Variants in HAS3 observed in about 807,000 individuals in gnomAD.
HAS3 encodes the protein hyaluronan synthase 3, also known as HA synthase 3.
A neutral mutation model predicts 50.3 loss-of-function variants in HAS3; 27 were observed. The observed-to-expected ratio is 0.54, with a 90% confidence interval of 0.40 to 0.74. The LOEUF is 0.74. Among genes scored for constraint, HAS3 ranks in the 30% least tolerant of loss-of-function variants. The pLI is 0.00. For missense variants in HAS3, 517 were observed against 742.8 expected (o/e 0.70, Z 3.53); for synonymous variants, 339 against 310.9 (o/e 1.09, Z -0.95).
At chr16:69,101,998 C>A (rs187271990), upstream of HAS3, among the ~76,000 whole-genome samples, 1 of 152,286 alleles carries the variant, frequency 6.6e-6, no homozygotes, top group East Asian at 1.9e-4. Flanking sequence ...GTTGGCCAGG[C>A]TGGTCTTAAA....
At chr16:69,118,186 T>C (rs947028376), downstream of HAS3, 9 of 594,238 alleles carry the variant, frequency 1.5e-5, no homozygotes, top group Non-Finnish European at 3.0e-6. Flanking sequence ...GGTTCTTTGA[T>C]TGATTGGGAG....
upstream of HAS3, among the ~76,000 whole-genome samples, chr16:69,103,563 T>C (rs771225650): frequency 6.6e-6 from 1 of 151,866 alleles, no homozygotes; most frequent in Non-Finnish European, 1.5e-5. Flanking sequence ...ACCTGGATAA[T>C]TTTTTGTATT....
In HAS3 at chr16:69,113,437, G is replaced by A. The variant is rs2232230; in HGVS notation, c.637-4G>A. 1.7e-5 allele frequency: 28 copies of A among 1,608,026 alleles called. No individual in the cohort carries two copies. Among genetic ancestry groups the A allele is most frequent in the Non-Finnish European group, 2.4e-5 (28 of 1,174,688 alleles). ...AATGGGCTGACGACGCACTCCCTCT[G>A]CAGGTGTGCGACTCTGACACTGTGC... On this transcript the variant is annotated splice_region_variant and splice_polypyrimidine_tract_variant and intron_variant, in intron 2 of 3. Transcript: ENST00000569188.
chr16:69,113,439 A>AGTG lies in HAS3; in HGVS notation c.637-1_637insTGG. The AGTG allele has an allele frequency of 6.2e-7, 1 of 1,602,438 alleles. No homozygotes were observed. The highest frequency in any genetic ancestry group is 8.6e-7 in the Non-Finnish European group (1 of 1,169,498). ...TGGGCTGACGACGCACTCCCTCTGC[A>AGTG]GGTGTGCGACTCTGACACTGTGCTG... is the stretch of plus-strand genomic sequence containing the variant. On this transcript the variant is annotated splice_acceptor_variant, in intron 2 of 3. Transcript: ENST00000569188. LOFTEE classifies it high-confidence loss of function.
chr16:69,107,439 T>C lies in HAS3; in HGVS notation c.-1+1652T>C, dbSNP rs976113878. 11 of 985,550 alleles carry C rather than the reference T, an allele frequency of 1.1e-5. No individual in the cohort carries two copies. The African/African-American group carries it at 1.7e-4, about 16-fold the overall frequency. 61.1% of individuals were successfully genotyped at this position (985,550 alleles called of 1,614,324 possible). On this transcript the variant is annotated intron_variant, in intron 1 of 3. Coordinates refer to ENST00000569188, the MANE Select transcript of HAS3 (RefSeq NM_001199280.2). This position sits in a 1 kb window ranked among gnomAD's most constrained non-coding sequence, Gnocchi z 5.5. ...TGGTCCGACTGGGATCCCTTGGGTT[T>C]TCCGTTCCTTCCCGGTTGGGTCGTG...
chr16:69,116,964 G>C lies in HAS3; in HGVS notation c.*1698G>C. 1 of 985,426 alleles carries C rather than the reference G, an allele frequency of 1.0e-6. No individual in the cohort carries two copies. Among genetic ancestry groups the C allele is most frequent in the African/African-American group, 1.7e-5 (1 of 57,348 alleles). 61.0% of individuals were successfully genotyped at this position (985,426 alleles called of 1,614,324 possible). On this transcript the variant is annotated 3_prime_UTR_variant, in exon 4 of 4. Transcript: ENST00000569188. ...CAAGGTGTGCTCTGAGCCACAGATGGGCAAACCCTGGTGCTTTCCTTCATC... is the reference window on the plus strand; with the variant it reads ...CAAGGTGTGCTCTGAGCCACAGATGCGCAAACCCTGGTGCTTTCCTTCATC...
chr16:69,102,106 T>G (rs183447136), upstream of HAS3, among the ~76,000 whole-genome samples: 1 of 152,136 alleles, frequency 6.6e-6, no homozygotes, highest in Non-Finnish European at 1.5e-5. Flanking sequence ...CTCAAGCACA[T>G]TTGTCTTCAA....
At chr16:69,092,413 G>A in the HAS3 span, among the ~76,000 whole-genome samples, 1 of 152,064 alleles carries the variant, frequency 6.6e-6, no homozygotes, top group Non-Finnish European at 1.5e-5. Flanking sequence ...GACCAGCCTG[G>A]CCAACATAGT....
chr16:69,104,726 G>C (rs996989558), upstream of HAS3, among the ~76,000 whole-genome samples: 1 of 152,148 alleles, frequency 6.6e-6, no homozygotes, highest in Admixed American at 6.6e-5. Context: ...CTACAGGTGT[G>C]AGCCACTGTG....
chr16:69,104,646 G>T (rs1156866354), upstream of HAS3, among the ~76,000 whole-genome samples: 1 of 152,038 alleles, frequency 6.6e-6, no homozygotes, highest in Non-Finnish European at 1.5e-5. Context: ...GTCTCGCTTT[G>T]TTGCCCAGGC....
At position 69,117,080 on chromosome 16, in the gene HAS3, G is replaced by A; in HGVS notation, c.*1814G>A. ...CTGGTAAGACTGCTGGTTGACATCA[G>A]ACCCAACCCATGAAGGCTGGAAGGC... On this transcript the variant is annotated 3_prime_UTR_variant, in exon 4 of 4. Transcript: ENST00000569188. 2.0e-6 allele frequency: 2 copies of A among 985,690 alleles called. No individual in the cohort carries two copies. The highest frequency in any genetic ancestry group is 2.4e-6 in the Non-Finnish European group (2 of 829,938). 61.1% of individuals were successfully genotyped at this position (985,690 alleles called of 1,614,324 possible).
At chr16:69,108,995 C>A (rs1042546767) in intron 1 of HAS3, among the ~76,000 whole-genome samples, 3 of 152,174 alleles carry the variant, frequency 2.0e-5, no homozygotes, top group Admixed American at 1.3e-4. Context: ...CTCAGGCTCA[C>A]CCCCTTGAAG....
the HAS3 span, among the ~76,000 whole-genome samples, chr16:69,091,169 CTTTA>C: frequency 2.6e-5 from 4 of 152,142 alleles, no homozygotes; most frequent in African/African-American, 9.7e-5. Flanking sequence ...CCCTCTAGAT[CTTTA>C]TTTATTACCA....
chr16:69,115,891 G>A lies in HAS3; in HGVS notation c.*625G>A. The A allele has an allele frequency of 1.0e-6, 1 of 985,878 alleles. No individual in the cohort carries two copies. The highest frequency in any genetic ancestry group is 1.2e-6 in the Non-Finnish European group (1 of 829,938). 61.1% of individuals were successfully genotyped at this position (985,878 alleles called of 1,614,324 possible). A position where few individuals can be genotyped will look rare whatever the true frequency, so the allele number is the denominator to read the frequency against. ...CAGGGATGAGCCAAACCAGCAGGGA[G>A]TTAGCACTGAACTGCTTTTAAAAGT... is the stretch of plus-strand genomic sequence containing the variant. On this transcript the variant is annotated 3_prime_UTR_variant, in exon 4 of 4. Coordinates refer to ENST00000569188, the MANE Select transcript of HAS3 (RefSeq NM_001199280.2).
In HAS3 at chr16:69,117,357, G is replaced by C. The variant is rs1961229230; in HGVS notation, c.*2091G>C. The C allele has an allele frequency of 1.0e-6, 1 of 985,666 alleles. No individual in the cohort carries two copies. Among genetic ancestry groups the C allele is most frequent in the Non-Finnish European group, 1.2e-6 (1 of 829,880 alleles). The allele number at this position is 985,666 out of a possible 1,614,324, so 61.1% of individuals were successfully genotyped here. On this transcript the variant is annotated 3_prime_UTR_variant, in exon 4 of 4. Coordinates refer to ENST00000569188, the MANE Select transcript of HAS3 (RefSeq NM_001199280.2). ...CTCAAATCAAAAACAGGCAGGTACA[G>C]GTAGTGGGCTCACAACGTTTGACCT...
rs760090298 is a variant in HAS3 at position 69,117,383 on chromosome 16, C to T, written c.*2117C>T. On this transcript the variant is annotated 3_prime_UTR_variant, in exon 4 of 4. Coordinates refer to ENST00000569188, the MANE Select transcript of HAS3 (RefSeq NM_001199280.2). Reference sequence around the variant, plus strand: ...GTAGTGGGCTCACAACGTTTGACCTCGACTGGTTTTTCTAAGTTATTTTGT... The same window carrying T: ...GTAGTGGGCTCACAACGTTTGACCTTGACTGGTTTTTCTAAGTTATTTTGT... 2.7e-5 allele frequency: 27 copies of T among 985,602 alleles called. No individual in the cohort carries two copies. The highest frequency in any genetic ancestry group is 8.7e-5 in the African/African-American group (5 of 57,200). 61.1% of individuals were successfully genotyped at this position (985,602 alleles called of 1,614,324 possible).
At position 69,116,209 on chromosome 16, in the gene HAS3, A is replaced by C; in HGVS notation, c.*943A>C. 2.0e-6 allele frequency: 2 copies of C among 985,552 alleles called. No homozygotes were observed. Among genetic ancestry groups the C allele is most frequent in the Non-Finnish European group, 2.4e-6 (2 of 829,958 alleles). 61.1% of individuals were successfully genotyped at this position (985,552 alleles called of 1,614,324 possible). ...TCCCCACTTCACTTTCTTCAAAGCC[A>C]CATTTTTTGAGGTATCACTGCAGTC... On this transcript the variant is annotated 3_prime_UTR_variant, in exon 4 of 4. Coordinates refer to ENST00000569188, the MANE Select transcript of HAS3 (RefSeq NM_001199280.2).
In HAS3 at chr16:69,108,583, G is replaced by A. The variant is rs184258514; in HGVS notation, c.1-813G>A. 5.3e-3 allele frequency among the ~76,000 whole-genome samples: 814 copies of A among 152,264 alleles called. 8 individuals are homozygous for A. Among genetic ancestry groups the A allele is most frequent in the Non-Finnish European group, 9.5e-3 (647 of 68,016 alleles). On this transcript the variant is annotated intron_variant, in intron 1 of 3. Transcript: ENST00000569188. ...TGCTGCACGGGCACTAGGACCAAGC[G>A]GATGGGATGCCCAGGCAGCCACTGT...
rs887011233 is a variant in HAS3 at position 69,117,124 on chromosome 16, C to G, written c.*1858C>G. The stretch of plus-strand genomic sequence containing the variant: ...GGAAGGCAGCAGGCATTTGCTAAGG[C>G]AGCTGATCCAGGCAATCGTTCTGCT... On this transcript the variant is annotated 3_prime_UTR_variant, in exon 4 of 4. Coordinates refer to ENST00000569188, the MANE Select transcript of HAS3 (RefSeq NM_001199280.2). 52 of 985,694 alleles carry G rather than the reference C, an allele frequency of 5.3e-5. No individual in the cohort carries two copies. The highest frequency in any genetic ancestry group is 5.9e-5 in the Non-Finnish European group (49 of 829,924). 61.1% of individuals were successfully genotyped at this position (985,694 alleles called of 1,614,324 possible).
Sources: allele counts gnomAD v4.1 joint callset (sites outside exome capture counted in the v4.1 genomes callset), GRCh38; gene constraint gnomAD v4.1.1; non-coding constraint Gnocchi (gnomAD v3.1); transcripts MANE v1.5; gene names NCBI Gene and HGNC (gene_info 2026-07-23, HGNC 2026-07-21).